The following RNF38 variants were observed in gnomAD, a reference collection of about 807,000 sequenced individuals.
RNF38 encodes E3 ubiquitin-protein ligase RNF38.
A neutral mutation model predicts 67.2 loss-of-function variants in RNF38; 15 were observed. That is an observed-to-expected ratio of 0.22 (90% CI 0.15 to 0.34). RNF38 has a LOEUF of 0.34. RNF38 is among the 10% of genes least tolerant of loss of function. The pLI is 1.00. For synonymous variants in RNF38, 220 were observed against 218.8 expected (o/e 1.01, Z -0.05); for missense variants, 524 against 639.9 (o/e 0.82, Z 1.95).
intron 1 of RNF38, among the ~76,000 whole-genome samples, chr9:36,474,348 T>G (rs1482503906): frequency 6.7e-6 from 1 of 148,342 alleles, no homozygotes; most frequent in African/African-American, 2.5e-5. Flanking sequence ...ATTCAGAACT[T>G]AAAAAACAAA....
intron 8 of RNF38, among the ~76,000 whole-genome samples, chr9:36,352,516 A>G (rs528308649): frequency 1.7e-4 from 26 of 152,260 alleles, no homozygotes; most frequent in Middle Eastern, 6.8e-3. Flanking sequence ...CTGCTTCTTG[A>G]TCTGTTAAAC....
At chr9:36,477,100 G>A (rs562237412) in intron 1 of RNF38, among the ~76,000 whole-genome samples, 46 of 151,990 alleles carry the variant, frequency 3.0e-4, no homozygotes, top group Middle Eastern at 6.8e-3. Flanking sequence ...GAGGCAGGTG[G>A]ATCACAAGGT....
intron 1 of RNF38, among the ~76,000 whole-genome samples, chr9:36,394,212 T>C (rs963252172): frequency 1.3e-5 from 2 of 151,704 alleles, no homozygotes; most frequent in East Asian, 1.9e-4. Context: ...GAGGTGGAGG[T>C]TGCAGTGAGC....
At chr9:36,402,683 C>G (rs1240658599), upstream of RNF38, among the ~76,000 whole-genome samples, 1 of 152,054 alleles carries the variant, frequency 6.6e-6, no homozygotes, top group Non-Finnish European at 1.5e-5. Context: ...AACTCAGCAG[C>G]AAAAATCTAT....
intron 1 of RNF38, among the ~76,000 whole-genome samples, chr9:36,466,594 T>C (rs1839866791): frequency 6.6e-6 from 1 of 152,120 alleles, no homozygotes; most frequent in Non-Finnish European, 1.5e-5. Flanking sequence ...GTCAAACAAA[T>C]GTTTCAAAAA....
intron 2 of RNF38, among the ~76,000 whole-genome samples, chr9:36,417,458 G>T (rs900126595): frequency 1.1e-4 from 17 of 151,980 alleles, no homozygotes; most frequent in Non-Finnish European, 2.2e-4. Context: ...TTTGATATTT[G>T]AACTATTTAC....
At chr9:36,455,761 T>C (rs1418702461) in intron 1 of RNF38, among the ~76,000 whole-genome samples, 1 of 150,772 alleles carries the variant, frequency 6.6e-6, no homozygotes, top group Non-Finnish European at 1.5e-5. Context: ...CCGTCTCTAC[T>C]AAAAGTACAA....
intron 2 of RNF38, among the ~76,000 whole-genome samples, chr9:36,413,261 C>T (rs1294450108): frequency 6.6e-6 from 1 of 151,926 alleles, no homozygotes; most frequent in African/African-American, 2.4e-5. Context: ...CATGGCATCT[C>T]CCCACAACTC....
intron 2 of RNF38, among the ~76,000 whole-genome samples, chr9:36,416,591 CAA>C (rs1485261914): frequency 6.6e-6 from 1 of 152,042 alleles, no homozygotes; most frequent in Non-Finnish European, 1.5e-5. Context: ...AAAATTATTA[CAA>C]AGTTAGGCTG....
intron 1 of RNF38, among the ~76,000 whole-genome samples, chr9:36,393,511 GTGTGTGTGTGT>G (rs1244842672): frequency 1.3e-5 from 2 of 148,834 alleles, no homozygotes; most frequent in African/African-American, 5.0e-5. Context: ...GTGTGTGTGT[GTGTGTGTGTGT>G]GGGGCAGGCA....
intron 9 of RNF38, among the ~76,000 whole-genome samples, chr9:36,345,750 TC>T (rs1833179552): frequency 6.6e-6 from 1 of 152,210 alleles, no homozygotes; most frequent in Admixed American, 6.5e-5. Flanking sequence ...CAAATAAGGA[TC>T]CAAACAAATC....
chr9:36,426,962 A>G (rs1838788645), intron 1 of RNF38, among the ~76,000 whole-genome samples: 1 of 152,274 alleles, frequency 6.6e-6, no homozygotes, highest in South Asian at 2.1e-4. Flanking sequence ...CCTGGCACAC[A>G]GCAATTCAAG....
At chr9:36,399,920 G>T (rs1195412045) in intron 1 of RNF38, among the ~76,000 whole-genome samples, 177 bp downstream of exon 1, 1 of 152,116 alleles carries the variant, frequency 6.6e-6, no homozygotes, top group Non-Finnish European at 1.5e-5. Flanking sequence ...TATGAGCTTT[G>T]TATACATTTA....
At chr9:36,341,062 A>G (rs1347079869) in intron 11 of RNF38, among the ~76,000 whole-genome samples, 1 of 152,112 alleles carries the variant, frequency 6.6e-6, no homozygotes, top group East Asian at 1.9e-4. Flanking sequence ...AAATCCTTCT[A>G]TAAAACAGTC....
In RNF38 at chr9:36,344,876, A is replaced by G. The variant is rs775346190; in HGVS notation, c.1341T>C (p.Pro447=). 1.2e-6 allele frequency: 2 copies of G among 1,614,142 alleles called. No individual in the cohort carries two copies. Among genetic ancestry groups the G allele is most frequent in the South Asian group, 2.2e-5 (2 of 91,082 alleles). Residue 447 remains proline, a synonymous_variant, in exon 10 of 12, where the codon CCT becomes CCC. Coordinates refer to ENST00000259605, the MANE Select transcript of RNF38 (RefSeq NM_022781.5). ...GLTKADIEQL[P]SYRFNPNNHQ... is the part of the protein sequence containing the mutation. The stretch of plus-strand genomic sequence containing the variant: ...GGTTGTTAGGATTGAACCGATAAGA[A>G]GGAAGTTGTTCAATATCTGCTTTAG...
At chr9:36,344,752 T>C in intron 10 of RNF38, 80 bp downstream of exon 10, 2 of 1,404,338 alleles carry the variant, frequency 1.4e-6, no homozygotes, top group Admixed American at 2.1e-5. Context: ...CTCCCAACTT[T>C]TACCTTAATG....
intron 1 of RNF38, among the ~76,000 whole-genome samples, chr9:36,460,835 C>T (rs1211320889): frequency 1.4e-5 from 2 of 140,186 alleles, no homozygotes; most frequent in Admixed American, 7.9e-5. Context: ...TGCAGCGAGC[C>T]GAGATTGCAC....
At chr9:36,424,207 CAT>C (rs1838710962) in intron 2 of RNF38, among the ~76,000 whole-genome samples, 1 of 152,084 alleles carries the variant, frequency 6.6e-6, no homozygotes, top group Admixed American at 6.6e-5. Flanking sequence ...AAGAAGAAAA[CAT>C]AATTCAATGC....
At chr9:36,459,038 T>A (rs1390565107) in intron 1 of RNF38, among the ~76,000 whole-genome samples, 1 of 151,896 alleles carries the variant, frequency 6.6e-6, no homozygotes, top group East Asian at 1.9e-4. Context: ...TGAAACCCTG[T>A]CTCTACTAAA....
Sources: allele counts gnomAD v4.1 joint callset (sites outside exome capture counted in the v4.1 genomes callset), GRCh38; gene constraint gnomAD v4.1.1; transcripts MANE v1.5; gene names NCBI Gene and HGNC (gene_info 2026-07-23, HGNC 2026-07-21).